Variants in BABAM2 observed in about 807,000 individuals in gnomAD.
BABAM2 encodes the protein BRISC and BRCA1 A complex member 2, also known as BRISC and BRCA1-A complex member 2.
A neutral mutation model predicts 54.7 loss-of-function variants in BABAM2; 31 were observed. That is an observed-to-expected ratio of 0.57 (90% CI 0.43 to 0.77). BABAM2 has a LOEUF of 0.77. Among genes scored for constraint, BABAM2 ranks in the 30% least tolerant of loss-of-function variants. The probability of loss-of-function intolerance (pLI) is 0.00; values close to 1 mark genes in which losing one functional copy is unlikely to be tolerated. For synonymous variants in BABAM2, 167 were observed against 162.9 expected (o/e 1.03, Z -0.19); for missense variants, 364 against 455.8 (o/e 0.80, Z 1.83).
At chr2:28,111,578 C>G (rs72814450) in intron 6 of BABAM2, among the ~76,000 whole-genome samples, 34,141 of 152,146 alleles carry the variant, frequency 0.22, 4,554 homozygotes, top group Middle Eastern at 0.32. Flanking sequence ...ATCTTCCACT[C>G]TCCTAGACCA....
intron 7 of BABAM2, among the ~76,000 whole-genome samples, chr2:28,150,628 C>A (rs975919464): frequency 3.9e-5 from 6 of 152,218 alleles, no homozygotes; most frequent in African/African-American, 7.2e-5. Context: ...CTCTCCTGAG[C>A]AGTTAGAAAG....
At chr2:27,932,427 AT>A (rs1400042141) in intron 3 of BABAM2, among the ~76,000 whole-genome samples, 6 of 152,052 alleles carry the variant, frequency 3.9e-5, no homozygotes, top group African/African-American at 1.2e-4. Context: ...TGTTTATCAT[AT>A]TTTTTCCCTC....
intron 10 of BABAM2, among the ~76,000 whole-genome samples, chr2:28,245,297 G>C (rs576800758): frequency 6.6e-6 from 1 of 152,098 alleles, no homozygotes; most frequent in South Asian, 2.1e-4. Context: ...CCAGTATCAG[G>C]CCTCAAGACT....
chr2:28,014,601 CTTTTT>C (rs1674661272), intron 4 of BABAM2, among the ~76,000 whole-genome samples: 1 of 140,358 alleles, frequency 7.1e-6, no homozygotes, highest in Non-Finnish European at 1.6e-5. Flanking sequence ...TTCTTTCTTT[CTTTTT>C]CTTTTTTTTT....
At chr2:28,044,067 A>T (rs1677358052) in intron 5 of BABAM2, among the ~76,000 whole-genome samples, 1 of 152,194 alleles carries the variant, frequency 6.6e-6, no homozygotes, top group East Asian at 1.9e-4. Context: ...TAATGAAGAA[A>T]TGCTCTGTCC....
chr2:27,979,700 C>G (rs1304858366), intron 3 of BABAM2, among the ~76,000 whole-genome samples: 3 of 152,054 alleles, frequency 2.0e-5, no homozygotes, highest in Non-Finnish European at 4.4e-5. Flanking sequence ...ATGTGTATTT[C>G]TCTAATGATT....
intron 1 of BABAM2, among the ~76,000 whole-genome samples, chr2:27,893,992 C>CAAAA (rs778759632): frequency 1.9e-3 from 75 of 39,846 alleles, no homozygotes; most frequent in Middle Eastern, 0.016. Context: ...GACTCTGTCG[C>CAAAA]AAAAAAAAAA....
chr2:28,063,998 C>T (rs889637584), intron 6 of BABAM2, among the ~76,000 whole-genome samples: 5 of 152,194 alleles, frequency 3.3e-5, no homozygotes, highest in Admixed American at 6.5e-5. Context: ...CAAAAGCCCA[C>T]GCTCTTTTTA....
chr2:28,067,014 C>G (rs1663653124), intron 6 of BABAM2, among the ~76,000 whole-genome samples: 1 of 152,204 alleles, frequency 6.6e-6, no homozygotes, highest in African/African-American at 2.4e-5. Context: ...ATGGTGCAAT[C>G]TCAGCTCACT....
At position 27,966,870 on chromosome 2, in the gene BABAM2, C is replaced by T. The variant is rs189476456; in HGVS notation, c.206-21123C>T. ...TATTTGCCTTTTGGGCACAGACCTGCTGCCTTCCTTTACTAGTTGTAGGAT... is the reference window on the plus strand; with the variant it reads ...TATTTGCCTTTTGGGCACAGACCTGTTGCCTTCCTTTACTAGTTGTAGGAT... On this transcript the variant is annotated intron_variant, in intron 3 of 11. Coordinates refer to ENST00000379624, the MANE Select transcript of BABAM2 (RefSeq NM_199191.3). Among the ~76,000 whole-genome samples the T allele has an allele frequency of 1.8e-3, 273 of 152,324 alleles. 1 individual carries two copies. The highest frequency in any genetic ancestry group is 6.3e-3 in the African/African-American group (262 of 41,574).
chr2:28,163,109 G>T (rs1673263344), intron 7 of BABAM2, among the ~76,000 whole-genome samples: 1 of 152,174 alleles, frequency 6.6e-6, no homozygotes, highest in South Asian at 2.1e-4. Context: ...GATAGAATGA[G>T]GTGCCCCCCG....
At chr2:28,330,479 CA>C (rs1213846770) in intron 11 of BABAM2, among the ~76,000 whole-genome samples, 1 of 152,182 alleles carries the variant, frequency 6.6e-6, no homozygotes, top group Non-Finnish European at 1.5e-5. Flanking sequence ...GCAACTTCAG[CA>C]AAGTCTCAGG....
chr2:28,099,982 TTC>T (rs1666940187), intron 6 of BABAM2, among the ~76,000 whole-genome samples: 1 of 152,224 alleles, frequency 6.6e-6, no homozygotes, highest in Non-Finnish European at 1.5e-5. Flanking sequence ...ATGTGAATTT[TTC>T]TGTCTTTTGT....
At chr2:27,926,836 A>C (rs1248961363) in intron 2 of BABAM2, among the ~76,000 whole-genome samples, 1 of 152,156 alleles carries the variant, frequency 6.6e-6, no homozygotes, top group East Asian at 1.9e-4. Flanking sequence ...GGAATTGTAC[A>C]TATTTATGGG....
intron 7 of BABAM2, among the ~76,000 whole-genome samples, chr2:28,226,181 C>A (rs2148027026): frequency 6.6e-6 from 1 of 152,312 alleles, no homozygotes. Context: ...GCTGCCTTTG[C>A]ACTTCAGCAG....
intron 7 of BABAM2, among the ~76,000 whole-genome samples, chr2:28,210,941 C>G (rs540181508): frequency 8.1e-4 from 123 of 152,284 alleles, no homozygotes; most frequent in African/African-American, 2.8e-3. Flanking sequence ...TATTTCATCC[C>G]AGTGTTAACT....
At chr2:28,087,162 A>G (rs1665721503) in intron 6 of BABAM2, among the ~76,000 whole-genome samples, 1 of 152,148 alleles carries the variant, frequency 6.6e-6, no homozygotes, top group African/African-American at 2.4e-5. Flanking sequence ...TCCAGAAAAT[A>G]AATTTTTGGT....
chr2:27,920,533 T>A (rs1479993987), intron 2 of BABAM2, among the ~76,000 whole-genome samples: 1 of 152,226 alleles, frequency 6.6e-6, no homozygotes, highest in Admixed American at 6.5e-5. Context: ...TTTACTGTAA[T>A]ATGTGACTTT....
In BABAM2 at chr2:28,096,999, T is replaced by G. The variant is rs150875436; in HGVS notation, c.571-32272T>G. 1.3e-4 allele frequency among the ~76,000 whole-genome samples: 20 copies of G among 152,284 alleles called. No individual in the cohort carries two copies. In the South Asian group the frequency reaches 1.4e-3, roughly 11 times the overall value. ...AATCAAGACTCTGTTTTCTGTGGGT[T>G]GGGATAGGCCAAAAACTCTGCCTTG... On this transcript the variant is annotated intron_variant, in intron 6 of 11. Transcript: ENST00000379624.
Sources: gnomAD v4.1 joint callset for allele counts (sites outside exome capture counted in the v4.1 genomes callset) on GRCh38, gnomAD v4.1.1 for gene constraint, MANE v1.5 for transcripts, NCBI Gene and HGNC (gene_info 2026-07-23, HGNC 2026-07-21) for gene names.